Variants in CCDC3 observed in about 807,000 individuals in gnomAD.
The protein encoded by CCDC3 is coiled-coil domain-containing protein 3.
A neutral mutation model predicts 21.4 loss-of-function variants in CCDC3; 24 were observed. That is an observed-to-expected ratio of 1.12 (90% CI 0.81 to 1.58). The LOEUF is 1.58. Ranked by LOEUF, CCDC3 falls within the 40% of genes most tolerant of loss-of-function variation. The pLI is 0.00. For missense variants in CCDC3, 425 were observed against 360.9 expected (o/e 1.18, Z -1.44); for synonymous variants, 186 against 166.0 (o/e 1.12, Z -0.93).
At chr10:13,056,850 G>A (rs1376241721) in intron 4 of CCDC3, among the ~76,000 whole-genome samples, 1 of 152,170 alleles carries the variant, frequency 6.6e-6, no homozygotes, top group South Asian at 2.1e-4. Context: ...GAGGAGGAAG[G>A]GAGAGGAGTT....
At position 12,906,206 on chromosome 10, in the gene CCDC3, G is replaced by A. The variant is rs117399150; in HGVS notation, c.550-7527C>T. Among the ~76,000 whole-genome samples, 432 of 152,340 alleles carry A rather than the reference G, an allele frequency of 2.8e-3. 11 individuals are homozygous for A. The East Asian group carries it at 0.061, about 22-fold the overall frequency. ...CTCCCAAAGCTGGGAAGTGACAGCAGGGAAGTTCTTCTGAGGACTGTCTGG... is the reference window on the plus strand; with the variant it reads ...CTCCCAAAGCTGGGAAGTGACAGCAAGGAAGTTCTTCTGAGGACTGTCTGG... On this transcript the variant is annotated intron_variant, in intron 2 of 2. Transcript: ENST00000378825.
chr10:12,949,260 C>T (rs577696557), intron 2 of CCDC3, among the ~76,000 whole-genome samples: 24 of 152,294 alleles, frequency 1.6e-4, no homozygotes, highest in Middle Eastern at 6.8e-3. Flanking sequence ...CTGCCTTGAA[C>T]CGGGTGTGGC....
chr10:12,934,827 C>G (rs952168166), intron 2 of CCDC3, among the ~76,000 whole-genome samples: 5 of 152,112 alleles, frequency 3.3e-5, no homozygotes, highest in African/African-American at 9.7e-5. Flanking sequence ...GAGACAGGGC[C>G]TTGCTCTGTT....
intron 2 of CCDC3, among the ~76,000 whole-genome samples, chr10:12,986,788 AAAAAC>A (rs1458810783): frequency 6.6e-6 from 1 of 151,598 alleles, no homozygotes; most frequent in Non-Finnish European, 1.5e-5. Flanking sequence ...AAAAAAACAA[AAAAAC>A]AAAAACAAAA....
At chr10:13,029,017 T>C (rs1199668972) in intron 5 of CCDC3, among the ~76,000 whole-genome samples, 1 of 152,206 alleles carries the variant, frequency 6.6e-6, no homozygotes, top group East Asian at 1.9e-4. Flanking sequence ...AAATTCCCTC[T>C]GACTGAGTAG....
intron 5 of CCDC3, among the ~76,000 whole-genome samples, chr10:13,018,959 C>T (rs753950381): frequency 8.6e-5 from 13 of 151,716 alleles, no homozygotes; most frequent in Non-Finnish European, 1.9e-4. Context: ...AAAGGCCGGG[C>T]GCAGTGGCTC....
At chr10:13,000,382 G>A (rs1589036306) in intron 1 of CCDC3, among the ~76,000 whole-genome samples, 2 of 152,146 alleles carry the variant, frequency 1.3e-5, no homozygotes, top group Admixed American at 1.3e-4. Context: ...TTAGGCAGAT[G>A]CATTCCATCT....
intron 2 of CCDC3, among the ~76,000 whole-genome samples, chr10:12,929,241 G>A (rs1834599590): frequency 7.1e-6 from 1 of 140,600 alleles, no homozygotes. Context: ...CAGCCTGGGT[G>A]ACAAAGTGAG....
At chr10:12,998,543 G>A (rs2131285894) in intron 1 of CCDC3, 31 bp from the exon 2 acceptor site, 2 of 1,605,196 alleles carry the variant, frequency 1.2e-6, no homozygotes, top group Non-Finnish European at 1.7e-6. Flanking sequence ...AGACATGTAG[G>A]CTAGACAGTC....
At chr10:13,013,492 AT>A (rs1411060794) in intron 5 of CCDC3, among the ~76,000 whole-genome samples, 1 of 152,240 alleles carries the variant, frequency 6.6e-6, no homozygotes, top group Non-Finnish European at 1.5e-5. Flanking sequence ...AGAATGAATA[AT>A]TAGAACAGTT....
At chr10:12,973,384 A>G (rs1835370955) in intron 2 of CCDC3, among the ~76,000 whole-genome samples, 1 of 152,100 alleles carries the variant, frequency 6.6e-6, no homozygotes, top group Non-Finnish European at 1.5e-5. Flanking sequence ...AGAGAGACTA[A>G]CCAATGGGGG....
At chr10:13,091,631 G>A (rs1028682810) in intron 3 of CCDC3, among the ~76,000 whole-genome samples, 7 of 152,082 alleles carry the variant, frequency 4.6e-5, no homozygotes, top group African/African-American at 1.7e-4. Context: ...AGAAATGTTC[G>A]CCTTCAACAA....
intron 4 of CCDC3, among the ~76,000 whole-genome samples, chr10:13,068,927 A>G (rs1836852147): frequency 1.3e-5 from 2 of 152,260 alleles, no homozygotes; most frequent in Admixed American, 6.5e-5. Context: ...GATAAGGTAA[A>G]GCTGAAGGTT....
chr10:13,098,248 CCTT>C (rs1832655779), intron 3 of CCDC3, among the ~76,000 whole-genome samples: 1 of 152,056 alleles, frequency 6.6e-6, no homozygotes, highest in Admixed American at 6.5e-5. Context: ...TTGTGGGTGA[CCTT>C]CTTCTCTTGG....
In CCDC3 at chr10:12,938,666, CAG is replaced by C. The variant is rs1168682691; in HGVS notation, c.550-39989_550-39988del. Reference sequence around the variant, plus strand: ...AAAATACAGAACACTGCTTGGCACACAGAGCTATTTATGCACTGGCTTCCATT... The same window carrying C: ...AAAATACAGAACACTGCTTGGCACACAGCTATTTATGCACTGGCTTCCATT... On this transcript the variant is annotated intron_variant, in intron 2 of 2. Transcript: ENST00000378825. Among the ~76,000 whole-genome samples the C allele has an allele frequency of 5.9e-5, 9 of 152,226 alleles. No homozygotes were observed. In the East Asian group the frequency reaches 1.5e-3, roughly 26 times the overall value.
At chr10:12,986,934 T>C (rs1835605181) in intron 2 of CCDC3, among the ~76,000 whole-genome samples, 1 of 151,988 alleles carries the variant, frequency 6.6e-6, no homozygotes, top group Admixed American at 6.5e-5. Context: ...AAAGAAATGA[T>C]ACACCACACA....
chr10:12,954,415 G>A (rs902680702), intron 2 of CCDC3, among the ~76,000 whole-genome samples: 3 of 152,192 alleles, frequency 2.0e-5, no homozygotes, highest in Non-Finnish European at 2.9e-5. Context: ...GTCCATTTGT[G>A]TTGGTATAAA....
At chr10:13,013,150 G>A (rs11258122) in intron 5 of CCDC3, among the ~76,000 whole-genome samples, 40 of 152,156 alleles carry the variant, frequency 2.6e-4, no homozygotes, top group African/African-American at 8.7e-4. Context: ...TAGCTCTGTC[G>A]ACCAAGAAGG....
intron 2 of CCDC3, among the ~76,000 whole-genome samples, chr10:12,900,522 C>CAAAAAAAAAAA (rs10716235): frequency 1.1e-4 from 8 of 75,846 alleles, no homozygotes; most frequent in Admixed American, 3.5e-4. Flanking sequence ...ACTAAAAATA[C>CAAAAAAAAAAA]AAAAAAAAAA....
Sources: allele counts gnomAD v4.1 joint callset (sites outside exome capture counted in the v4.1 genomes callset), GRCh38; gene constraint gnomAD v4.1.1; transcripts MANE v1.5; gene names NCBI Gene and HGNC (gene_info 2026-07-23, HGNC 2026-07-21).